Variants in COL27A1 observed in about 807,000 individuals in gnomAD.
COL27A1 encodes collagen alpha-1(XXVII) chain.
In COL27A1, 106 loss-of-function variants were observed where a neutral mutation model predicts 251.3. The observed-to-expected ratio is 0.42, with a 90% CI of 0.36 to 0.50. COL27A1 has a LOEUF of 0.50. COL27A1 is among the 20% of genes least tolerant of loss of function. COL27A1 has a pLI of 0.00. For synonymous variants in COL27A1, 1,000 were observed against 986.3 expected (o/e 1.01, Z -0.26); for missense variants, 2,325 against 2,522.8 (o/e 0.92, Z 1.68).
intron 5 of COL27A1, among the ~76,000 whole-genome samples, chr9:114,187,925 T>G (rs1828493547): frequency 6.6e-6 from 1 of 152,240 alleles, no homozygotes; most frequent in Non-Finnish European, 1.5e-5. Context: ...AAAAATAGAA[T>G]TGCTGATGTG....
intron 27 of COL27A1, among the ~76,000 whole-genome samples, chr9:114,256,459 C>G (rs1252812434): frequency 6.6e-6 from 1 of 152,204 alleles, no homozygotes; most frequent in Non-Finnish European, 1.5e-5. Context: ...CGCCACTGCA[C>G]TCCAGCCTGG....
At position 114,311,814 on chromosome 9, in the gene COL27A1, C is replaced by T. The variant is rs1204583987; in HGVS notation, c.*1119C>T. The T allele has an allele frequency of 6.6e-6, 1 of 152,220 alleles. No individual in the cohort carries two copies. Among genetic ancestry groups the T allele is most frequent in the Non-Finnish European group, 1.5e-5 (1 of 68,050 alleles). 9.4% of individuals were successfully genotyped at this position (152,220 alleles called of 1,614,324 possible). A position where few individuals can be genotyped will look rare whatever the true frequency, so the allele number is the denominator to read the frequency against. Reference sequence around the variant, plus strand: ...TCACAAAAGCGGCGTTGGGTCAGGGCTAGGCTTAGAGGTGAAGCATCAACA... The same window carrying T: ...TCACAAAAGCGGCGTTGGGTCAGGGTTAGGCTTAGAGGTGAAGCATCAACA... On this transcript the variant is annotated 3_prime_UTR_variant, in exon 61 of 61. Transcript: ENST00000356083.
intron 4 of COL27A1, among the ~76,000 whole-genome samples, chr9:114,180,591 C>A (rs1827824627): frequency 6.6e-6 from 1 of 152,234 alleles, no homozygotes; most frequent in South Asian, 2.1e-4. Flanking sequence ...ACAATCCCAG[C>A]TCCTCTCTGC....
chr9:114,262,675 C>A (rs1834429354), intron 28 of COL27A1, among the ~76,000 whole-genome samples: 1 of 152,240 alleles, frequency 6.6e-6, no homozygotes, highest in Non-Finnish European at 1.5e-5. Context: ...AGTCACTTGT[C>A]CCCAGACACA....
intron 3 of COL27A1, among the ~76,000 whole-genome samples, chr9:114,177,870 G>A (rs1009127302): frequency 2.0e-5 from 3 of 152,176 alleles, no homozygotes; most frequent in Admixed American, 6.5e-5. Flanking sequence ...TTTATCAAAC[G>A]TTTGGCTGAG....
chr9:114,267,562 G>A lies in COL27A1; in HGVS notation c.3501+5G>A. On this transcript the variant is annotated splice_donor_5th_base_variant and intron_variant, in intron 34 of 60. Transcript: ENST00000356083. Reference sequence around the variant, plus strand: ...CCTGGGGAAGCCGGGATGAAGGTGAGGTGGGATGAAAGAAGAGAAAAATGA... The same window carrying A: ...CCTGGGGAAGCCGGGATGAAGGTGAAGTGGGATGAAAGAAGAGAAAAATGA... 1 of 1,594,534 alleles carries A rather than the reference G, an allele frequency of 6.3e-7. No homozygotes were observed. Among genetic ancestry groups the A allele is most frequent in the Non-Finnish European group, 8.5e-7 (1 of 1,172,356 alleles).
chr9:114,262,165 G>A (rs1200653481), intron 28 of COL27A1, among the ~76,000 whole-genome samples: 2 of 152,152 alleles, frequency 1.3e-5, no homozygotes, highest in Non-Finnish European at 2.9e-5. Flanking sequence ...GACCTGACAC[G>A]GCCCCACCCC....
chr9:114,274,815 T>TTTA (rs138296358), intron 36 of COL27A1, among the ~76,000 whole-genome samples: 6,121 of 151,742 alleles, frequency 0.04, 155 homozygotes, highest in Non-Finnish European at 0.052. Flanking sequence ...TTACCTACCA[T>TTTA]TTATTATTAT....
At position 114,310,606 on chromosome 9, in the gene COL27A1, C is replaced by A. The variant is rs1173589948; in HGVS notation, c.5494C>A (p.Gln1832Lys). The A allele has an allele frequency of 6.2e-7, 1 of 1,614,098 alleles. No individual in the cohort carries two copies. The highest frequency in any genetic ancestry group is 1.7e-5 in the Admixed American group (1 of 60,004). Residue 1832 changes from glutamine to lysine, a missense_variant, in exon 61 of 61, where the codon CAG (glutamine) becomes AAG (lysine). Coordinates refer to ENST00000356083, the MANE Select transcript of COL27A1 (RefSeq NM_032888.4). ...CACCTTCCGGACCCAAGACCCCCAA[C>A]AGCTGCCCATCATCAGTGTGGACAA... ...LFTFRTQDPQ[Q>K]LPIISVDNLP...
chr9:114,214,459 A>T lies in COL27A1; in HGVS notation c.2367+3433A>T, dbSNP rs185672810. ...CGGCCTCCTCAGTATCCAGTTTGGA[A>T]GGGTGATGTGTCAGAGTCTTTTACT... On this transcript the variant is annotated intron_variant, in intron 12 of 60. Coordinates refer to ENST00000356083, the MANE Select transcript of COL27A1 (RefSeq NM_032888.4). 1.4e-4 allele frequency among the ~76,000 whole-genome samples: 22 copies of T among 152,262 alleles called. 1 individual carries two copies. The highest frequency in any genetic ancestry group is 1.4e-3 in the Admixed American group (21 of 15,292).
At position 114,283,707 on chromosome 9, in the gene COL27A1, A is replaced by AG; in HGVS notation, c.3881dup. 1 of 1,613,964 alleles carries AG rather than the reference A, an allele frequency of 6.2e-7. No individual in the cohort carries two copies. The highest frequency in any genetic ancestry group is 8.5e-7 in the Non-Finnish European group (1 of 1,179,916). ...ACCAACGAGGGTCTCCTCCTCTTGT[A>AG]GGGTGCTCCGGGACGCATGGGGGCC... On this transcript the variant is annotated splice_acceptor_variant, in intron 39 of 60. Coordinates refer to ENST00000356083, the MANE Select transcript of COL27A1 (RefSeq NM_032888.4). LOFTEE classifies it high-confidence loss of function.
At chr9:114,279,367 A>G (rs1458305891) in intron 37 of COL27A1, among the ~76,000 whole-genome samples, 2 of 152,226 alleles carry the variant, frequency 1.3e-5, no homozygotes, top group Non-Finnish European at 2.9e-5. Context: ...GAATGAGAAC[A>G]CAGCACATGG....
chr9:114,286,511 C>T (rs75451914), intron 41 of COL27A1, among the ~76,000 whole-genome samples: 10,490 of 152,238 alleles, frequency 0.069, 442 homozygotes, highest in African/African-American at 0.096. Flanking sequence ...CCGCCCATCC[C>T]TGCTCACCGT....
At chr9:114,245,453 G>T (rs1409285397) in intron 23 of COL27A1, among the ~76,000 whole-genome samples, 3 of 152,144 alleles carry the variant, frequency 2.0e-5, no homozygotes, top group African/African-American at 4.8e-5. Flanking sequence ...CACCGCACCT[G>T]GCCCAGAATG....
intron 37 of COL27A1, among the ~76,000 whole-genome samples, chr9:114,279,345 A>G (rs1835764146): frequency 6.6e-6 from 1 of 152,224 alleles, no homozygotes; most frequent in Admixed American, 6.5e-5. Flanking sequence ...GAATTGAACA[A>G]ACATTTATGT....
At chr9:114,232,846 G>A (rs1832065975) in intron 16 of COL27A1, among the ~76,000 whole-genome samples, 1 of 152,234 alleles carries the variant, frequency 6.6e-6, no homozygotes. Context: ...GCCAAGGCGG[G>A]CGGATCATAA....
rs547016934 is a variant in COL27A1, at chr9:114,228,232, C to T, written c.2467-2847C>T. ...ATCCTGCCTGCACTGAATTCAGTCC[C>T]ACACAACAAGCCACTTCAGGCCTGG... On this transcript the variant is annotated intron_variant, in intron 14 of 60. Transcript: ENST00000356083. Among the ~76,000 whole-genome samples, 3 of 152,322 alleles carry T rather than the reference C, an allele frequency of 2.0e-5. No homozygotes were observed. In the South Asian group the frequency reaches 6.2e-4, roughly 32 times the overall value.
At chr9:114,245,393 G>T (rs567841305) in intron 23 of COL27A1, among the ~76,000 whole-genome samples, 1 of 152,086 alleles carries the variant, frequency 6.6e-6, no homozygotes, top group Non-Finnish European at 1.5e-5. Context: ...CTGACCTCAG[G>T]TGATTCGCCT....
At position 114,169,272 on chromosome 9, in the gene COL27A1, A is replaced by G. The variant is rs747085236; in HGVS notation, c.1717A>G (p.Thr573Ala). The change falls in exon 3 of 61, where the codon ACC becomes GCC. Residue 573 changes from threonine (T) to alanine (A), a missense_variant. This residue lies in a region of COL27A1 where 1,183 missense variants were observed against 1,144.1 expected (regional missense o/e 1.03). Transcript: ENST00000356083. The stretch of plus-strand genomic sequence containing the variant: ...GGATGTCCCCTTGAGCGATCTGACA[A>G]CCAGGCCTAGCCCCAGACAGCCCCA... ...ARDVPLSDLTTRPSPRQPQPS... is the reference protein window; with the variant it reads ...ARDVPLSDLTARPSPRQPQPS... The G allele has an allele frequency of 2.5e-6, 4 of 1,612,470 alleles. No homozygotes were observed. Among genetic ancestry groups the G allele is most frequent in the East Asian group, 2.2e-5 (1 of 44,856 alleles).
Sources: allele counts gnomAD v4.1 joint callset (sites outside exome capture counted in the v4.1 genomes callset), GRCh38; gene constraint gnomAD v4.1.1; regional missense constraint gnomAD v4.1.1; transcripts MANE v1.5; gene names NCBI Gene and HGNC (gene_info 2026-07-23, HGNC 2026-07-21).